Variants in HECW2 observed in about 807,000 individuals in gnomAD.
HECW2 encodes HECT, C2 and WW domain containing E3 ubiquitin protein ligase 2, also known as E3 ubiquitin-protein ligase HECW2.
In HECW2, 61 loss-of-function variants were observed where a neutral mutation model predicts 175.2. The ratio of observed to expected loss-of-function variants is 0.35; its 90% CI spans 0.28 to 0.43. HECW2 has a LOEUF of 0.43. HECW2 is among the 20% of genes least tolerant of loss of function. HECW2 has a pLI of 1.00. For synonymous variants in HECW2, 671 were observed against 731.0 expected, an observed-to-expected ratio of 0.92 and a Z score of 1.32; for missense variants, 1,524 against 2,000.5, an observed-to-expected ratio of 0.76 and a Z score of 4.54.
chr2:196,580,697 C>T (rs147813482), intron 1 of HECW2, among the ~76,000 whole-genome samples: 1 of 150,152 alleles, frequency 6.7e-6, no homozygotes, highest in Admixed American at 6.6e-5. Flanking sequence ...GAAACTGGAG[C>T]TCTCATACAT....
intron 3 of HECW2, among the ~76,000 whole-genome samples, chr2:196,338,428 T>C (rs1371658012): frequency 6.6e-6 from 1 of 152,230 alleles, no homozygotes; most frequent in African/African-American, 2.4e-5. Context: ...TTTTTAAACA[T>C]TATACTCTTT....
At chr2:196,582,926 C>G (rs1277772881) in intron 1 of HECW2, among the ~76,000 whole-genome samples, 1 of 152,192 alleles carries the variant, frequency 6.6e-6, no homozygotes, top group African/African-American at 2.4e-5. Flanking sequence ...CACTGCCTTT[C>G]CTTTTGATGA....
chr2:196,357,973 A>T (rs1693439422), intron 2 of HECW2, among the ~76,000 whole-genome samples: 1 of 152,202 alleles, frequency 6.6e-6, no homozygotes, highest in South Asian at 2.1e-4. Context: ...GGACTAATAC[A>T]CCAACAGAAG....
intron 1 of HECW2, among the ~76,000 whole-genome samples, chr2:196,542,181 T>C (rs575476521): frequency 6.6e-6 from 1 of 151,656 alleles, no homozygotes; most frequent in Non-Finnish European, 1.5e-5. Flanking sequence ...GGAGAATTGC[T>C]TGAACCCGGG....
Position 196,318,688 on chromosome 2 carries a change from C to G in HECW2, c.2202G>C (p.Gly734=), listed in dbSNP as rs902930367. 1.0e-5 allele frequency: 16 copies of G among 1,593,394 alleles called. No homozygotes were observed. The highest frequency in any genetic ancestry group is 1.3e-5 in the Non-Finnish European group (15 of 1,170,012). The change falls in exon 9 of 29, where the codon GGG becomes GGC. Residue 734 remains glycine, a synonymous_variant. Transcript: ENST00000644978. The part of the protein sequence containing the change: ...SATVPDQEEL[G]EVWQRRGSLE... Reference sequence around the variant, plus strand: ...GGCTCCCCCTCCGCTGCCAGACCTCCCCCAGCTCCTCCTGGTCAGGTACAG... The same window carrying G: ...GGCTCCCCCTCCGCTGCCAGACCTCGCCCAGCTCCTCCTGGTCAGGTACAG...
intron 14 of HECW2, among the ~76,000 whole-genome samples, chr2:196,279,107 G>A (rs1690090086): frequency 6.6e-6 from 1 of 151,770 alleles, no homozygotes; most frequent in South Asian, 2.1e-4. Flanking sequence ...GGAGTGCAGT[G>A]GCGCGATCTC....
At chr2:196,218,464 A>T (rs1687553429) in intron 26 of HECW2, among the ~76,000 whole-genome samples, 1 of 152,200 alleles carries the variant, frequency 6.6e-6, no homozygotes. Context: ...TTTAGTGAAT[A>T]AAATTTTATG....
At chr2:196,549,871 T>C (rs1689551937) in intron 1 of HECW2, among the ~76,000 whole-genome samples, 1 of 152,210 alleles carries the variant, frequency 6.6e-6, no homozygotes. Flanking sequence ...TATAATATTC[T>C]AAACTGAACT....
intron 28 of HECW2, among the ~76,000 whole-genome samples, chr2:196,213,759 A>G (rs1312199543): frequency 6.6e-6 from 1 of 152,198 alleles, no homozygotes; most frequent in Non-Finnish European, 1.5e-5. Flanking sequence ...TAGCACATGA[A>G]CTTCCTGGAG....
rs17310196 is a variant in HECW2 at position 196,215,918 on chromosome 2, G to A, written c.4554C>T (p.Asn1518=). Reference sequence around the variant, plus strand: ...TCTCCACACAGAATCTTCTTGGGCCGTTACTCCCTCGGAGTGAAGCAAATC... The same window carrying A: ...TCTCCACACAGAATCTTCTTGGGCCATTACTCCCTCGGAGTGAAGCAAATC... ...YEGFASLRGS[N]GPRRFCVEKW... The change falls in exon 28 of 29, where the codon AAC becomes AAT. Residue 1518 remains asparagine (N), a synonymous_variant. Transcript: ENST00000644978. The A allele has an allele frequency of 7.8e-3, 12,534 of 1,613,780 alleles. 60 individuals are homozygous for A. Among genetic ancestry groups the A allele is most frequent in the Non-Finnish European group, 9.1e-3 (10,759 of 1,179,702 alleles).
rs745564280 is a variant in HECW2 at position 196,217,110 on chromosome 2, A to C, written c.4409-17T>G. ...CATGGTATCCTATCAAACCAATCAT[A>C]AAAGCCCATGTTACTTTGACTCTTC... On this transcript the variant is annotated splice_polypyrimidine_tract_variant and intron_variant, in intron 26 of 28. Transcript: ENST00000644978. 2 of 1,590,934 alleles carry C rather than the reference A, an allele frequency of 1.3e-6. No individual in the cohort carries two copies. Among genetic ancestry groups the C allele is most frequent in the Non-Finnish European group, 1.7e-6 (2 of 1,166,286 alleles).
At chr2:196,336,301 T>C (rs1332031312) in intron 3 of HECW2, among the ~76,000 whole-genome samples, 1 of 152,258 alleles carries the variant, frequency 6.6e-6, no homozygotes, top group African/African-American at 2.4e-5. Context: ...CACTTGCTTT[T>C]TTCCAAGACG....
intron 2 of HECW2, among the ~76,000 whole-genome samples, chr2:196,368,327 G>C (rs78620553): frequency 0.016 from 2,416 of 152,184 alleles, 31 homozygotes; most frequent in Admixed American, 0.023. Context: ...TTGCAGTTTT[G>C]CTGTGCACTT....
intron 18 of HECW2, among the ~76,000 whole-genome samples, chr2:196,256,743 AC>A (rs1689070529): frequency 6.6e-6 from 1 of 152,204 alleles, no homozygotes; most frequent in Non-Finnish European, 1.5e-5. Context: ...CTTCCTGACC[AC>A]CTAGCATACT....
intron 2 of HECW2, among the ~76,000 whole-genome samples, chr2:196,354,410 C>T (rs548025140): frequency 1.6e-4 from 24 of 152,318 alleles, no homozygotes; most frequent in African/African-American, 3.4e-4. Flanking sequence ...TACTCCCTCC[C>T]GCTAGGGGCT....
intron 1 of HECW2, among the ~76,000 whole-genome samples, chr2:196,574,411 T>C (rs536501311): frequency 7.6e-4 from 115 of 151,376 alleles, no homozygotes; most frequent in Non-Finnish European, 1.3e-3. Flanking sequence ...GTGTGGGCGA[T>C]AGAGTGAGAC....
At chr2:196,578,598 G>A (rs116394713) in intron 1 of HECW2, among the ~76,000 whole-genome samples, 1,914 of 152,108 alleles carry the variant, frequency 0.013, 40 homozygotes, top group African/African-American at 0.044. Flanking sequence ...AGAGAGAAAC[G>A]AAAGCAGTAT....
intron 1 of HECW2, among the ~76,000 whole-genome samples, chr2:196,476,627 A>AT (rs925802359): frequency 7.2e-5 from 11 of 152,178 alleles, no homozygotes; most frequent in African/African-American, 1.4e-4. Flanking sequence ...TATCAAGTAG[A>AT]TTTTTTTTAA....
chr2:196,366,198 T>C (rs1693738470), intron 2 of HECW2, among the ~76,000 whole-genome samples: 1 of 152,086 alleles, frequency 6.6e-6, no homozygotes, highest in Non-Finnish European at 1.5e-5. Context: ...CAGAGGGAGA[T>C]TTCCCAGAAC....
Sources: allele counts gnomAD v4.1 joint callset (sites outside exome capture counted in the v4.1 genomes callset), GRCh38; gene constraint gnomAD v4.1.1; transcripts MANE v1.5; gene names NCBI Gene and HGNC (gene_info 2026-07-23, HGNC 2026-07-21).